Variants in GRIK2 observed in about 807,000 individuals in gnomAD.
GRIK2 encodes the protein glutamate ionotropic receptor kainate type subunit 2, also known as glutamate receptor ionotropic, kainate 2.
GRIK2 carries 32 observed loss-of-function variants against 100.3 expected under a neutral mutation model. The ratio of observed to expected loss-of-function variants is 0.32; its 90% CI spans 0.24 to 0.43. GRIK2 has a LOEUF of 0.43. Ranked by LOEUF, GRIK2 falls within the 20% of genes least tolerant of loss-of-function variation. The probability of loss-of-function intolerance (pLI) is 1.00; values close to 1 mark genes in which losing one functional copy is unlikely to be tolerated. For synonymous variants in GRIK2, 417 were observed against 389.4 expected (o/e 1.07, Z -0.83); for missense variants, 843 against 1,114.9 (o/e 0.76, Z 3.47).
At chr6:101,855,624 A>G (rs914180676) in intron 10 of GRIK2, among the ~76,000 whole-genome samples, 2 of 152,190 alleles carry the variant, frequency 1.3e-5, no homozygotes, top group African/African-American at 4.8e-5. Context: ...ACCAAAATGA[A>G]GGCCAATGCC....
chr6:101,592,245 A>G (rs1778684108), intron 2 of GRIK2, among the ~76,000 whole-genome samples: 1 of 151,912 alleles, frequency 6.6e-6, no homozygotes, highest in Admixed American at 6.6e-5. Flanking sequence ...AATGACTAAT[A>G]TAATTGGAAA....
At chr6:101,492,478 T>TA (rs558393498) in intron 2 of GRIK2, among the ~76,000 whole-genome samples, 12 of 151,612 alleles carry the variant, frequency 7.9e-5, no homozygotes, top group East Asian at 1.9e-4. Flanking sequence ...CTCATTTTTT[T>TA]AAAAAAAAAT....
intron 13 of GRIK2, among the ~76,000 whole-genome samples, chr6:101,926,525 A>G (rs1389796642): frequency 6.6e-6 from 1 of 152,202 alleles, no homozygotes; most frequent in Admixed American, 6.6e-5. Flanking sequence ...GAGAATTTGT[A>G]TGCTCATAGG....
intron 7 of GRIK2, among the ~76,000 whole-genome samples, chr6:101,695,295 T>A (rs1772400465): frequency 6.6e-6 from 1 of 152,052 alleles, no homozygotes; most frequent in Non-Finnish European, 1.5e-5. Flanking sequence ...AAGAGAGTGG[T>A]CCTTTCAGCC....
At chr6:101,847,629 G>A (rs1214280452) in intron 10 of GRIK2, among the ~76,000 whole-genome samples, 1 of 152,016 alleles carries the variant, frequency 6.6e-6, no homozygotes, top group Admixed American at 6.6e-5. Flanking sequence ...GTTGTATATT[G>A]GGGCACTCCT....
chr6:101,583,257 G>A (rs1470594980), intron 2 of GRIK2, among the ~76,000 whole-genome samples: 1 of 152,100 alleles, frequency 6.6e-6, no homozygotes, highest in Non-Finnish European at 1.5e-5. Context: ...AAAAGACACT[G>A]AGAGAAGCTG....
chr6:101,562,601 C>T (rs977315815), intron 2 of GRIK2, among the ~76,000 whole-genome samples: 2 of 152,010 alleles, frequency 1.3e-5, no homozygotes, highest in Non-Finnish European at 2.9e-5. Context: ...CCTCGGCCTC[C>T]CAAAGTGCTG....
chr6:101,852,992 C>A (rs973695176), intron 10 of GRIK2, among the ~76,000 whole-genome samples: 4 of 152,180 alleles, frequency 2.6e-5, no homozygotes, highest in African/African-American at 9.6e-5. Context: ...AAAAATCAGA[C>A]AAGATCCTAA....
chr6:101,546,410 C>G (rs1314358281), intron 2 of GRIK2, among the ~76,000 whole-genome samples: 1 of 152,102 alleles, frequency 6.6e-6, no homozygotes, highest in Non-Finnish European at 1.5e-5. Flanking sequence ...CATAATTTGT[C>G]TGAACTTTTA....
intron 2 of GRIK2, among the ~76,000 whole-genome samples, chr6:101,594,856 GGT>G (rs201396714): frequency 1.2e-3 from 175 of 151,764 alleles, no homozygotes; most frequent in African/African-American, 4.1e-3. Context: ...AATCAGAATT[GGT>G]GAGACATCTT....
At chr6:102,043,460 T>TATC (rs1040622845) in intron 15 of GRIK2, among the ~76,000 whole-genome samples, 4 of 151,912 alleles carry the variant, frequency 2.6e-5, no homozygotes, top group African/African-American at 9.7e-5. Flanking sequence ...TTTCTGTTTC[T>TATC]ATCAGTTCAA....
At chr6:101,988,011 C>CT (rs1281511572) in intron 14 of GRIK2, among the ~76,000 whole-genome samples, 6 of 151,326 alleles carry the variant, frequency 4.0e-5, no homozygotes, top group Non-Finnish European at 7.4e-5. Flanking sequence ...ATAAAACTGC[C>CT]TTTTTTCTCC....
intron 2 of GRIK2, among the ~76,000 whole-genome samples, chr6:101,608,494 A>G (rs1779531444): frequency 6.6e-6 from 1 of 151,912 alleles, no homozygotes; most frequent in Non-Finnish European, 1.5e-5. Context: ...TGCCTTTCTT[A>G]CTAATAGAAA....
chr6:101,768,799 C>T (rs1778203783), intron 7 of GRIK2, among the ~76,000 whole-genome samples: 1 of 151,998 alleles, frequency 6.6e-6, no homozygotes, highest in Non-Finnish European at 1.5e-5. Flanking sequence ...AGCCTTGGCT[C>T]CTTGGCATGT....
chr6:101,749,518 G>A (rs1046909796), intron 7 of GRIK2, among the ~76,000 whole-genome samples: 1 of 152,056 alleles, frequency 6.6e-6, no homozygotes, highest in African/African-American at 2.4e-5. Context: ...CCTAAAACCT[G>A]GTCTGAGGTC....
chr6:101,979,381 C>T (rs944139831), intron 14 of GRIK2, among the ~76,000 whole-genome samples: 1 of 151,904 alleles, frequency 6.6e-6, no homozygotes, highest in African/African-American at 2.4e-5. Context: ...GATATTGAAA[C>T]AAATAGCTAC....
At chr6:101,579,698 A>C (rs894830747) in intron 2 of GRIK2, among the ~76,000 whole-genome samples, 2 of 152,080 alleles carry the variant, frequency 1.3e-5, no homozygotes, top group Non-Finnish European at 2.9e-5. Context: ...TAAAAATACA[A>C]AAATTAGTTG....
chr6:101,397,212 T>G (rs1489616505), intron 1 of GRIK2, among the ~76,000 whole-genome samples: 2 of 152,200 alleles, frequency 1.3e-5, no homozygotes. Flanking sequence ...GTAGTAGATA[T>G]CAGTTATATT....
chr6:101,825,740 A>C (rs1005063540), intron 10 of GRIK2, among the ~76,000 whole-genome samples: 1 of 152,086 alleles, frequency 6.6e-6, no homozygotes, highest in Non-Finnish European at 1.5e-5. Flanking sequence ...GTTTTGTATA[A>C]AAGAATGAAT....
Sources: gnomAD v4.1 joint callset for allele counts (sites outside exome capture counted in the v4.1 genomes callset) on GRCh38, gnomAD v4.1.1 for gene constraint, MANE v1.5 for transcripts, NCBI Gene and HGNC (gene_info 2026-07-23, HGNC 2026-07-21) for gene names.